Variants in HDAC9 observed in about 807,000 individuals in gnomAD.
The protein encoded by HDAC9 is histone deacetylase 9, also known as MEF-2 interacting transcription repressor (MITR) protein.
HDAC9 carries 41 observed loss-of-function variants against 139.4 expected under a neutral mutation model. That is an observed-to-expected ratio of 0.29 (90% CI 0.23 to 0.38). The LOEUF (loss-of-function observed/expected upper bound fraction) is 0.38. Ranked by LOEUF, HDAC9 falls within the 10% of genes least tolerant of loss-of-function variation. HDAC9 has a pLI of 1.00. For synonymous variants in HDAC9, 517 were observed against 476.2 expected (o/e 1.09, Z -1.12); for missense variants, 1,147 against 1,297.0 (o/e 0.88, Z 1.78).
At chr7:18,104,501 T>C (rs1051278605) in intron 1 of HDAC9, among the ~76,000 whole-genome samples, 10 of 152,138 alleles carry the variant, frequency 6.6e-5, no homozygotes, top group African/African-American at 2.4e-4. Flanking sequence ...AAAACAAGGG[T>C]TGGGAAAAGA....
chr7:18,437,526 T>A (rs1334180969), intron 1 of HDAC9, among the ~76,000 whole-genome samples: 1 of 150,462 alleles, frequency 6.6e-6, no homozygotes, highest in African/African-American at 2.4e-5. Flanking sequence ...TTCCAGATAA[T>A]GTGTATATAT....
chr7:18,313,707 A>T (rs971075807), intron 1 of HDAC9, among the ~76,000 whole-genome samples: 2 of 152,230 alleles, frequency 1.3e-5, no homozygotes, highest in African/African-American at 4.8e-5. Context: ...TGAATATTTT[A>T]TAAACCACTG....
chr7:18,907,389 G>A (rs1418569831), intron 22 of HDAC9, among the ~76,000 whole-genome samples: 1 of 152,134 alleles, frequency 6.6e-6, no homozygotes, highest in Non-Finnish European at 1.5e-5. Flanking sequence ...CTTAATTCAC[G>A]AGTGATGAAG....
chr7:18,575,692 C>G (rs1469890223), intron 2 of HDAC9, among the ~76,000 whole-genome samples: 1 of 152,184 alleles, frequency 6.6e-6, no homozygotes, highest in Non-Finnish European at 1.5e-5. Context: ...ACTAGTAAAA[C>G]AGCATATATT....
chr7:18,995,998 T>C (rs1563118745), intron 25 of HDAC9, 25 bp from the exon 26 acceptor site: 1 of 1,579,094 alleles, frequency 6.3e-7, no homozygotes, highest in Non-Finnish European at 8.6e-7. Context: ...TATGCCGTAT[T>C]CTGATTGCCT....
chr7:18,473,904 A>G (rs1177692412), intron 1 of HDAC9, among the ~76,000 whole-genome samples: 1 of 152,240 alleles, frequency 6.6e-6, no homozygotes, highest in Non-Finnish European at 1.5e-5. Flanking sequence ...AAATAATGCT[A>G]TAAAAAGACT....
chr7:18,673,133 G>A (rs948145183), intron 12 of HDAC9, among the ~76,000 whole-genome samples: 1 of 151,772 alleles, frequency 6.6e-6, no homozygotes, highest in Non-Finnish European at 1.5e-5. Flanking sequence ...ATTTTATGTT[G>A]AAGCCAGGTG....
intron 21 of HDAC9, among the ~76,000 whole-genome samples, chr7:18,867,573 GTCA>G (rs1315437467): frequency 6.6e-6 from 1 of 152,158 alleles, no homozygotes; most frequent in Non-Finnish European, 1.5e-5. Flanking sequence ...GGACTTTGCT[GTCA>G]ATATCATTTT....
At chr7:18,811,218 G>A (rs2520350) in intron 17 of HDAC9, among the ~76,000 whole-genome samples, 9,583 of 151,400 alleles carry the variant, frequency 0.063, 1,051 homozygotes, top group African/African-American at 0.22. Context: ...GTTAATATTC[G>A]TTACTTTTTT....
At chr7:18,159,296 G>C (rs753678690) in intron 1 of HDAC9, among the ~76,000 whole-genome samples, 1 of 152,060 alleles carries the variant, frequency 6.6e-6, no homozygotes, top group African/African-American at 2.4e-5. Context: ...ACCTGAAGGC[G>C]AGTTTCCTAT....
At chr7:18,178,376 C>T (rs1414539594) in intron 2 of HDAC9, among the ~76,000 whole-genome samples, 3 of 152,212 alleles carry the variant, frequency 2.0e-5, no homozygotes, top group Non-Finnish European at 2.9e-5. Flanking sequence ...TGAGCCACTG[C>T]ACCCGGCCCC....
intron 1 of HDAC9, among the ~76,000 whole-genome samples, chr7:18,361,229 G>GA (rs1017934813): frequency 6.6e-6 from 1 of 152,146 alleles, no homozygotes; most frequent in African/African-American, 2.4e-5. Flanking sequence ...CTAGCAAGGA[G>GA]AAAAACTGGG....
intron 25 of HDAC9, among the ~76,000 whole-genome samples, chr7:18,992,289 G>A (rs1786045145): frequency 6.6e-6 from 1 of 152,152 alleles, no homozygotes; most frequent in Non-Finnish European, 1.5e-5. Flanking sequence ...AAAATGTGGT[G>A]GATGCACTGT....
chr7:18,414,008 C>G (rs574355719), intron 1 of HDAC9, among the ~76,000 whole-genome samples: 1 of 152,202 alleles, frequency 6.6e-6, no homozygotes, highest in South Asian at 2.1e-4. Context: ...ACATGAGAAA[C>G]TTCCCCTCAG....
chr7:18,239,546 C>T (rs1366484221), intron 2 of HDAC9, among the ~76,000 whole-genome samples: 3 of 152,232 alleles, frequency 2.0e-5, no homozygotes, highest in Non-Finnish European at 4.4e-5. Context: ...TTCCTTCACC[C>T]GTAGATCAGC....
intron 17 of HDAC9, among the ~76,000 whole-genome samples, chr7:18,825,695 A>G (rs1795372161): frequency 6.7e-6 from 1 of 149,694 alleles, no homozygotes; most frequent in South Asian, 2.1e-4. Flanking sequence ...AAGGACAAAG[A>G]TTTTATATAT....
At chr7:18,509,408 A>G (rs1011622963) in intron 2 of HDAC9, 19 of 985,470 alleles carry the variant, frequency 1.9e-5, no homozygotes, top group Middle Eastern at 5.2e-4. Context: ...CTCCTGGCCA[A>G]CGTGCTTTGT....
chr7:18,435,059 C>CGA (rs1554416084), intron 1 of HDAC9, among the ~76,000 whole-genome samples: 4 of 67,810 alleles, frequency 5.9e-5, no homozygotes, highest in Non-Finnish European at 1.0e-4. Context: ...ACTACACAGC[C>CGA]AAAAAAAAAA....
chr7:18,232,621 C>T (rs1340244195), intron 2 of HDAC9, among the ~76,000 whole-genome samples: 1 of 152,170 alleles, frequency 6.6e-6, no homozygotes, highest in South Asian at 2.1e-4. Flanking sequence ...ATTCTTGTAT[C>T]TCTATTGCTC....
Sources: allele counts gnomAD v4.1 joint callset (sites outside exome capture counted in the v4.1 genomes callset), GRCh38; gene constraint gnomAD v4.1.1; transcripts MANE v1.5; gene names NCBI Gene and HGNC (gene_info 2026-07-23, HGNC 2026-07-21).